The following BTBD9 variants were observed in gnomAD, a reference collection of about 807,000 sequenced individuals.
BTBD9 encodes BTB domain containing 9, also known as BTB/POZ domain-containing protein 9.
BTBD9 carries 49 observed loss-of-function variants against 64.3 expected under a neutral mutation model. That is an observed-to-expected ratio of 0.76 (90% CI 0.61 to 0.97). The LOEUF is 0.97. Among genes scored for constraint, BTBD9 ranks in the 50% least tolerant of loss-of-function variants. The pLI is 0.00. For synonymous variants in BTBD9, 260 were observed against 274.7 expected (o/e 0.95, Z 0.53); for missense variants, 598 against 762.1 (o/e 0.78, Z 2.53).
At position 38,598,904 on chromosome 6, in the gene BTBD9, C is replaced by T. The variant is rs147215569; in HGVS notation, c.-27-783G>A. Among the ~76,000 whole-genome samples, 1,329 of 151,938 alleles carry T rather than the reference C, an allele frequency of 8.7e-3. 19 individuals are homozygous for T. Among genetic ancestry groups the T allele is most frequent in the African/African-American group, 0.03 (1,253 of 41,374 alleles). On this transcript the variant is annotated intron_variant, in intron 1 of 10. Coordinates refer to ENST00000481247, the MANE Select transcript of BTBD9 (RefSeq NM_001099272.2). ...TGCACTCCAGCCTGGGCCACAAGAG[C>T]GAAACTTCTTCTCAAAAAAAATAAT...
In BTBD9 at chr6:38,553,433, C is replaced by T. The variant is rs561812355; in HGVS notation, c.1154+24167G>A. On this transcript the variant is annotated intron_variant, in intron 6 of 10. Transcript: ENST00000481247. ...AAAGCTGTCATCTTAGCCAGCTTAA[C>T]TTAATTCTAGCATCTTTAAGCCTGA... 2.0e-5 allele frequency among the ~76,000 whole-genome samples: 3 copies of T among 152,322 alleles called. No homozygotes were observed. In the East Asian group the frequency reaches 5.8e-4, roughly 29 times the overall value.
intron 6 of BTBD9, among the ~76,000 whole-genome samples, chr6:38,368,658 C>A (rs1401375701): frequency 6.6e-6 from 1 of 152,020 alleles, no homozygotes; most frequent in Non-Finnish European, 1.5e-5. Context: ...CTCATGTATT[C>A]CTTTGAGAAT....
At chr6:38,532,080 C>T (rs540899514) in intron 6 of BTBD9, among the ~76,000 whole-genome samples, 9 of 152,214 alleles carry the variant, frequency 5.9e-5, no homozygotes, top group Non-Finnish European at 1.2e-4. Context: ...ACCCCCTCCC[C>T]ATCCTGTGGC....
At chr6:38,490,540 G>C (rs548586255) in intron 6 of BTBD9, among the ~76,000 whole-genome samples, 1 of 152,070 alleles carries the variant, frequency 6.6e-6, no homozygotes, top group Admixed American at 6.5e-5. Context: ...GGCTGATCTC[G>C]AACTCCTGAC....
chr6:38,306,874 T>C (rs76022543), intron 7 of BTBD9, among the ~76,000 whole-genome samples: 86 of 152,364 alleles, frequency 5.6e-4, no homozygotes, highest in African/African-American at 1.7e-3. Context: ...CACTGTGCTC[T>C]GCTGGGCTTT....
At chr6:38,205,314 G>A (rs1471901752) in intron 9 of BTBD9, among the ~76,000 whole-genome samples, 1 of 152,142 alleles carries the variant, frequency 6.6e-6, no homozygotes, top group Non-Finnish European at 1.5e-5. Flanking sequence ...TAAAAGTTCT[G>A]GAGGGGGAAA....
At chr6:38,310,141 G>C (rs1354011015) in intron 7 of BTBD9, among the ~76,000 whole-genome samples, 1 of 152,174 alleles carries the variant, frequency 6.6e-6, no homozygotes, top group Non-Finnish European at 1.5e-5. Flanking sequence ...ACACACCAGG[G>C]GGAAAAGTGA....
chr6:38,331,847 C>T (rs1763686381), intron 7 of BTBD9, among the ~76,000 whole-genome samples: 2 of 151,908 alleles, frequency 1.3e-5, no homozygotes, highest in South Asian at 2.1e-4. Flanking sequence ...TGACAGAGAC[C>T]CTCTCTTGGA....
intron 6 of BTBD9, among the ~76,000 whole-genome samples, chr6:38,565,632 A>G (rs1775458733): frequency 6.6e-6 from 1 of 152,252 alleles, no homozygotes. Flanking sequence ...TTTGCTTGTC[A>G]GTTCAAACAA....
chr6:38,397,211 T>C (rs1766720508), intron 6 of BTBD9, among the ~76,000 whole-genome samples: 1 of 152,234 alleles, frequency 6.6e-6, no homozygotes, highest in Non-Finnish European at 1.5e-5. Context: ...CACTTGCTTC[T>C]TTTTATCTTT....
At chr6:38,513,552 GAC>G (rs2127412966) in intron 6 of BTBD9, among the ~76,000 whole-genome samples, 1 of 152,194 alleles carries the variant, frequency 6.6e-6, no homozygotes, top group African/African-American at 2.4e-5. Flanking sequence ...TCCTTGGGCT[GAC>G]AGTAAAATCA....
chr6:38,567,995 A>G (rs1582645975), intron 6 of BTBD9, among the ~76,000 whole-genome samples: 1 of 152,224 alleles, frequency 6.6e-6, no homozygotes, highest in Non-Finnish European at 1.5e-5. Context: ...TCAACAAGAT[A>G]CCTGATGAGC....
chr6:38,271,890 T>C lies in BTBD9; in HGVS notation c.1455-15374A>G, dbSNP rs1410290117. 3.3e-5 allele frequency among the ~76,000 whole-genome samples: 5 copies of C among 151,278 alleles called. No homozygotes were observed. In the East Asian group the frequency reaches 9.7e-4, roughly 29 times the overall value. ...GTAGTCACAATCTCATTTTTGTTACTGTGACAACTGCAGTGGCAATTCTTG... is the reference window on the plus strand; with the variant it reads ...GTAGTCACAATCTCATTTTTGTTACCGTGACAACTGCAGTGGCAATTCTTG... On this transcript the variant is annotated intron_variant, in intron 8 of 10. Transcript: ENST00000481247.
chr6:38,569,750 A>G (rs1005398599), intron 6 of BTBD9, among the ~76,000 whole-genome samples: 3 of 152,144 alleles, frequency 2.0e-5, no homozygotes, highest in African/African-American at 7.2e-5. Context: ...TCATTTCTCA[A>G]AGGTCTTACT....
At position 38,177,559 on chromosome 6, in the gene BTBD9, C is replaced by A. The variant is rs193139202; in HGVS notation, c.1642-2377G>T. Among the ~76,000 whole-genome samples, 2 of 152,234 alleles carry A rather than the reference C, an allele frequency of 1.3e-5. 1 individual carries two copies. Among genetic ancestry groups the A allele is most frequent in the South Asian group, 4.1e-4 (2 of 4,830 alleles). ...AAGACCTCAGAGTGGCCTGGTGCTGCGGCTTGCTCTTCACAGCCGGCCTCT... is the reference window on the plus strand; with the variant it reads ...AAGACCTCAGAGTGGCCTGGTGCTGAGGCTTGCTCTTCACAGCCGGCCTCT... On this transcript the variant is annotated intron_variant, in intron 10 of 10. Coordinates refer to ENST00000481247, the MANE Select transcript of BTBD9 (RefSeq NM_001099272.2).
chr6:38,248,394 G>A (rs1764281276), intron 9 of BTBD9, among the ~76,000 whole-genome samples: 1 of 152,188 alleles, frequency 6.6e-6, no homozygotes, highest in African/African-American at 2.4e-5. Context: ...CTAATCGTTT[G>A]TATTTGCCAA....
intron 6 of BTBD9, among the ~76,000 whole-genome samples, chr6:38,533,589 A>G (rs1773890491): frequency 1.3e-5 from 2 of 152,214 alleles, no homozygotes; most frequent in Non-Finnish European, 2.9e-5. Context: ...TGCAGAATAC[A>G]CATTCTTTTC....
At chr6:38,488,417 G>A (rs535681196) in intron 6 of BTBD9, among the ~76,000 whole-genome samples, 1 of 152,288 alleles carries the variant, frequency 6.6e-6, no homozygotes, top group East Asian at 1.9e-4. Flanking sequence ...TCCAGGTTTA[G>A]AGCTGCAAGG....
At chr6:38,444,760 T>G (rs1435014815) in intron 6 of BTBD9, among the ~76,000 whole-genome samples, 2 of 152,338 alleles carry the variant, frequency 1.3e-5, no homozygotes, top group South Asian at 2.1e-4. Flanking sequence ...TTATATTAAG[T>G]GTATGCCACA....
Sources: allele counts gnomAD v4.1 joint callset (sites outside exome capture counted in the v4.1 genomes callset), GRCh38; gene constraint gnomAD v4.1.1; transcripts MANE v1.5; gene names NCBI Gene and HGNC (gene_info 2026-07-23, HGNC 2026-07-21).